ST3GAL3: variants seen among roughly 807,000 people sequenced by gnomAD.
ST3GAL3 encodes CMP-N-acetylneuraminate-beta-1,4-galactoside alpha-2,3-sialyltransferase.
Under a neutral mutation model 50.1 loss-of-function variants are expected in ST3GAL3, and 21 were observed. The ratio of observed to expected loss-of-function variants is 0.42; its 90% CI spans 0.30 to 0.60. The LOEUF (loss-of-function observed/expected upper bound fraction) is 0.60. ST3GAL3 is among the 20% of genes least tolerant of loss of function. The probability of loss-of-function intolerance (pLI) is 0.19; values close to 1 mark genes in which losing one functional copy is unlikely to be tolerated. For synonymous variants in ST3GAL3, 183 were observed against 190.0 expected (o/e 0.96, Z 0.30); for missense variants, 353 against 489.4 (o/e 0.72, Z 2.63).
intron 5 of ST3GAL3, among the ~76,000 whole-genome samples, chr1:43,888,479 A>G (rs2076273536): frequency 6.6e-6 from 1 of 152,132 alleles, no homozygotes; most frequent in African/African-American, 2.4e-5. Flanking sequence ...AAACACCACA[A>G]CCCAAGTAAA....
chr1:43,893,564 C>T (rs2076949533), intron 5 of ST3GAL3, among the ~76,000 whole-genome samples: 1 of 152,200 alleles, frequency 6.6e-6, no homozygotes, highest in African/African-American at 2.4e-5. Flanking sequence ...GTCTCCTCCT[C>T]CCCAAGCCTG....
intron 11 of ST3GAL3, among the ~76,000 whole-genome samples, chr1:43,923,376 C>G (rs1212974390): frequency 6.6e-6 from 1 of 152,098 alleles, no homozygotes; most frequent in Admixed American, 6.5e-5. Flanking sequence ...CAGGTACCAC[C>G]TATATTGTAT....
rs116748351 is a variant in ST3GAL3, at chr1:43,745,219, A to G, written c.118+8839A>G. Among the ~76,000 whole-genome samples, 490 of 152,342 alleles carry G rather than the reference A, an allele frequency of 3.2e-3. 6 individuals are homozygous for G. Among genetic ancestry groups the G allele is most frequent in the African/African-American group, 0.011 (472 of 41,572 alleles). On this transcript the variant is annotated intron_variant, in intron 2 of 11. Transcript: ENST00000347631. ...ACAACTAATTGTTTAAAGCAAAAAT[A>G]ATAACCCAGTAAAGTGAGATTTTGG...
intron 5 of ST3GAL3, among the ~76,000 whole-genome samples, chr1:43,885,509 C>A (rs548645161): frequency 1.3e-5 from 2 of 152,238 alleles, no homozygotes; most frequent in African/African-American, 4.8e-5. Flanking sequence ...CCTGCTACCC[C>A]CTAGGCCAGG....
chr1:43,783,549 C>T (rs928490855), intron 2 of ST3GAL3, among the ~76,000 whole-genome samples: 2 of 152,184 alleles, frequency 1.3e-5, no homozygotes, highest in South Asian at 2.1e-4. Flanking sequence ...ATTGCCTTTT[C>T]CATTTCCTTT....
chr1:43,872,280 G>A (rs1199470785), intron 5 of ST3GAL3, among the ~76,000 whole-genome samples: 1 of 121,976 alleles, frequency 8.2e-6, no homozygotes, highest in African/African-American at 3.2e-5. Context: ...GGGGCTGTGG[G>A]GGGGACGGAG....
At chr1:43,743,287 G>T (rs1681874493) in intron 2 of ST3GAL3, among the ~76,000 whole-genome samples, 1 of 109,736 alleles carries the variant, frequency 9.1e-6, no homozygotes, top group African/African-American at 2.9e-5. Flanking sequence ...ATAAATATTG[G>T]GGGAAAAAAC....
At chr1:43,783,800 T>A (rs1356313929) in intron 2 of ST3GAL3, among the ~76,000 whole-genome samples, 1 of 152,126 alleles carries the variant, frequency 6.6e-6, no homozygotes, top group East Asian at 1.9e-4. Flanking sequence ...CCAGACTTCC[T>A]GATGTCCCTG....
At chr1:43,753,637 A>G (rs996395707) in intron 2 of ST3GAL3, among the ~76,000 whole-genome samples, 6 of 152,196 alleles carry the variant, frequency 3.9e-5, no homozygotes, top group African/African-American at 1.4e-4. Context: ...GTCATGTTCT[A>G]AACTTCATGT....
chr1:43,816,301 T>C (rs1387787081), intron 4 of ST3GAL3, among the ~76,000 whole-genome samples: 3 of 152,206 alleles, frequency 2.0e-5, no homozygotes, highest in African/African-American at 7.2e-5. Context: ...TTCTTGGCTC[T>C]GGTGCCTCAT....
intron 2 of ST3GAL3, among the ~76,000 whole-genome samples, chr1:43,750,566 G>A (rs540605734): frequency 4.6e-5 from 7 of 152,144 alleles, no homozygotes; most frequent in East Asian, 1.9e-4. Flanking sequence ...GATTTTATTC[G>A]CTTGATACCA....
intron 5 of ST3GAL3, among the ~76,000 whole-genome samples, chr1:43,863,618 T>G (rs2070568857): frequency 6.6e-6 from 1 of 152,142 alleles, no homozygotes; most frequent in African/African-American, 2.4e-5. Context: ...GAATAAAGAA[T>G]GGGTTGGGGA....
chr1:43,879,595 TG>T (rs2074745015), intron 5 of ST3GAL3: 1 of 363,040 alleles, frequency 2.8e-6, no homozygotes, highest in Admixed American at 3.5e-5. Flanking sequence ...GAAAAAGAGA[TG>T]AGTCAAGAAT....
At chr1:43,870,640 G>A (rs1570275316) in intron 5 of ST3GAL3, among the ~76,000 whole-genome samples, 1 of 151,986 alleles carries the variant, frequency 6.6e-6, no homozygotes. Flanking sequence ...TGTCTCTGGA[G>A]GGTGGGGGTG....
At chr1:43,803,645 C>T (rs747441583) in intron 3 of ST3GAL3, among the ~76,000 whole-genome samples, 1 of 152,148 alleles carries the variant, frequency 6.6e-6, no homozygotes, top group Non-Finnish European at 1.5e-5. Context: ...AGTTTCTGAA[C>T]CTTTTAAGAG....
chr1:43,758,129 T>TTATAC (rs374617475), intron 2 of ST3GAL3, among the ~76,000 whole-genome samples: 1 of 151,368 alleles, frequency 6.6e-6, no homozygotes, highest in East Asian at 1.9e-4. Flanking sequence ...GACACTACTC[T>TTATAC]TATACTATAC....
chr1:43,765,786 C>CGT (rs749795792), intron 2 of ST3GAL3, among the ~76,000 whole-genome samples: 2 of 117,398 alleles, frequency 1.7e-5, no homozygotes, highest in Non-Finnish European at 3.9e-5. Context: ...TGTGTGTGTG[C>CGT]GCGCGCGCGC....
Position 43,931,038 on chromosome 1 carries a change from C to T in ST3GAL3, c.*817C>T, listed in dbSNP as rs2084942900. 6.5e-6 allele frequency: 1 copy of T among 152,918 alleles called. No homozygotes were observed. Among genetic ancestry groups the T allele is most frequent in the Non-Finnish European group, 1.5e-5 (1 of 68,262 alleles). The allele number at this position is 152,918 out of a possible 1,614,324, so 9.5% of individuals were successfully genotyped here. A position where few individuals can be genotyped will look rare whatever the true frequency, so the allele number is the denominator to read the frequency against. On this transcript the variant is annotated 3_prime_UTR_variant, in exon 12 of 12. Transcript: ENST00000347631. ...CATGTTCTAGGTTTCAGCAACAAGA[C>T]TGCCAGGTGGTTGGGTTCTGCCTTT...
intron 3 of ST3GAL3, among the ~76,000 whole-genome samples, chr1:43,795,358 A>G (rs563536670): frequency 3.1e-4 from 47 of 152,318 alleles, no homozygotes; most frequent in Non-Finnish European, 4.6e-4. Flanking sequence ...AGTCAGCCTC[A>G]AATTATAACT....
Sources: allele counts gnomAD v4.1 joint callset (sites outside exome capture counted in the v4.1 genomes callset), GRCh38; gene constraint gnomAD v4.1.1; transcripts MANE v1.5; gene names NCBI Gene and HGNC (gene_info 2026-07-23, HGNC 2026-07-21).